The following CSRNP3 variants were observed in gnomAD, a reference collection of about 807,000 sequenced individuals.
CSRNP3 encodes cysteine and serine rich nuclear protein 3.
Under a neutral mutation model 48.0 loss-of-function variants are expected in CSRNP3, and 12 were observed. The ratio of observed to expected loss-of-function variants is 0.25; its 90% CI spans 0.16 to 0.41. The LOEUF is 0.41. Ranked by LOEUF, CSRNP3 falls within the 10% of genes least tolerant of loss-of-function variation. The probability of loss-of-function intolerance (pLI) is 1.00; values close to 1 mark genes in which losing one functional copy is unlikely to be tolerated. For missense variants in CSRNP3, 580 were observed against 724.4 expected (o/e 0.80, Z 2.29); for synonymous variants, 263 against 269.7 (o/e 0.98, Z 0.24).
intron 2 of CSRNP3, among the ~76,000 whole-genome samples, chr2:165,504,508 T>C (rs1684398622): frequency 6.6e-6 from 1 of 152,104 alleles, no homozygotes. Context: ...TATGCTATAC[T>C]TTCTATAAGA....
chr2:165,612,357 T>C (rs1015164969), intron 4 of CSRNP3, among the ~76,000 whole-genome samples: 6 of 152,048 alleles, frequency 3.9e-5, no homozygotes, highest in African/African-American at 1.4e-4. Context: ...TAAATCAACA[T>C]ACAAATATCA....
intron 4 of CSRNP3, among the ~76,000 whole-genome samples, chr2:165,597,261 A>T (rs552337383): frequency 3.1e-4 from 47 of 152,328 alleles, no homozygotes; most frequent in African/African-American, 1.1e-3. Flanking sequence ...AAAATCTTCA[A>T]CTGGCATTTC....
intron 5 of CSRNP3, among the ~76,000 whole-genome samples, chr2:165,658,310 CCTCT>C (rs1229443215): frequency 6.6e-6 from 1 of 152,028 alleles, no homozygotes; most frequent in Non-Finnish European, 1.5e-5. Flanking sequence ...TAGATGTGGT[CCTCT>C]CTCTATAGGA....
chr2:165,651,223 C>T (rs1444221480), intron 4 of CSRNP3, among the ~76,000 whole-genome samples: 1 of 152,100 alleles, frequency 6.6e-6, no homozygotes, highest in East Asian at 1.9e-4. Flanking sequence ...TTACAAATGG[C>T]TAAAGCACAA....
At chr2:165,506,201 A>G (rs569560384) in intron 2 of CSRNP3, among the ~76,000 whole-genome samples, 17 of 152,272 alleles carry the variant, frequency 1.1e-4, no homozygotes, top group Non-Finnish European at 1.6e-4. Context: ...CTTCTTGAAG[A>G]CAAGAAGGCA....
chr2:165,594,234 C>T lies in CSRNP3; in HGVS notation c.-23-809C>T, dbSNP rs77182880. Reference sequence around the variant, plus strand: ...TAATTTAGCAATGTAAGATCACATACATGTATCTAAGATAATTTATAAAAT... The same window carrying T: ...TAATTTAGCAATGTAAGATCACATATATGTATCTAAGATAATTTATAAAAT... On this transcript the variant is annotated intron_variant, in intron 3 of 6. Coordinates refer to ENST00000651982, the MANE Select transcript of CSRNP3 (RefSeq NM_001172173.2). Among the ~76,000 whole-genome samples, 28 of 152,272 alleles carry T rather than the reference C, an allele frequency of 1.8e-4. No homozygotes were observed. The East Asian group carries it at 5.4e-3, about 29-fold the overall frequency.
chr2:165,480,486 T>A (rs1684025886), intron 1 of CSRNP3, among the ~76,000 whole-genome samples: 1 of 152,268 alleles, frequency 6.6e-6, no homozygotes, highest in East Asian at 1.9e-4. Context: ...AGAACAGTGC[T>A]TGGCACATAG....
At chr2:165,517,488 G>A (rs1054271230) in intron 2 of CSRNP3, among the ~76,000 whole-genome samples, 3 of 151,840 alleles carry the variant, frequency 2.0e-5, no homozygotes, top group Admixed American at 6.6e-5. Flanking sequence ...CATTTTGGTT[G>A]ATTTCCCTGG....
intron 4 of CSRNP3, among the ~76,000 whole-genome samples, chr2:165,647,744 G>A (rs1408099344): frequency 2.0e-5 from 3 of 152,118 alleles, no homozygotes; most frequent in Admixed American, 2.0e-4. Context: ...ACAGTATTCA[G>A]TAAATTACAT....
chr2:165,647,728 TTC>T (rs1181236600), intron 4 of CSRNP3, among the ~76,000 whole-genome samples: 1 of 152,166 alleles, frequency 6.6e-6, no homozygotes, highest in Non-Finnish European at 1.5e-5. Context: ...GTTTTTCACT[TTC>T]AGTACAGTAT....
At chr2:165,626,482 A>G (rs1686438239) in intron 4 of CSRNP3, among the ~76,000 whole-genome samples, 1 of 152,234 alleles carries the variant, frequency 6.6e-6, no homozygotes. Flanking sequence ...CAGGTACATA[A>G]ACACCTTATT....
At chr2:165,674,020 C>CA (rs1286407615) in intron 5 of CSRNP3, among the ~76,000 whole-genome samples, 5 of 150,860 alleles carry the variant, frequency 3.3e-5, no homozygotes, top group Admixed American at 6.6e-5. Flanking sequence ...GACTCCATCT[C>CA]AAAAAAAATA....
At chr2:165,660,948 C>G (rs1687087344) in intron 5 of CSRNP3, among the ~76,000 whole-genome samples, 1 of 152,136 alleles carries the variant, frequency 6.6e-6, no homozygotes, top group Non-Finnish European at 1.5e-5. Flanking sequence ...TTAAAGTATT[C>G]AGAAACACAT....
At chr2:165,665,709 A>G (rs1687169006) in intron 5 of CSRNP3, among the ~76,000 whole-genome samples, 1 of 151,004 alleles carries the variant, frequency 6.6e-6, no homozygotes, top group African/African-American at 2.4e-5. Context: ...GCAGTGAGCT[A>G]TGATTGTGCC....
At chr2:165,635,849 G>A (rs796940691) in intron 4 of CSRNP3, among the ~76,000 whole-genome samples, 3 of 152,208 alleles carry the variant, frequency 2.0e-5, no homozygotes, top group African/African-American at 4.8e-5. Flanking sequence ...TGACAAACAT[G>A]CAACTTTCCC....
At chr2:165,565,937 C>T (rs1685291328) in intron 3 of CSRNP3, among the ~76,000 whole-genome samples, 1 of 151,912 alleles carries the variant, frequency 6.6e-6, no homozygotes, top group Non-Finnish European at 1.5e-5. Flanking sequence ...ACTCTTTGTT[C>T]TTTCTTAACC....
intron 3 of CSRNP3, chr2:165,574,328 G>A: frequency 6.5e-7 from 1 of 1,532,478 alleles, no homozygotes; most frequent in Middle Eastern, 1.7e-4. Context: ...ATGTACTGGG[G>A]TTCTCTGCAG....
At chr2:165,643,132 T>A (rs571476850) in intron 4 of CSRNP3, among the ~76,000 whole-genome samples, 1 of 152,288 alleles carries the variant, frequency 6.6e-6, no homozygotes, top group African/African-American at 2.4e-5. Flanking sequence ...ATTTAACACA[T>A]GTGTATTGAA....
chr2:165,637,995 T>A (rs1480776867), intron 4 of CSRNP3, among the ~76,000 whole-genome samples: 1 of 152,220 alleles, frequency 6.6e-6, no homozygotes, highest in African/African-American at 2.4e-5. Flanking sequence ...TTTTCTAATA[T>A]TATTGAAATA....
Sources: gnomAD v4.1 joint callset for allele counts (sites outside exome capture counted in the v4.1 genomes callset) on GRCh38, gnomAD v4.1.1 for gene constraint, MANE v1.5 for transcripts, NCBI Gene and HGNC (gene_info 2026-07-23, HGNC 2026-07-21) for gene names.